The following LIMCH1 variants were observed in gnomAD, a reference collection of about 807,000 sequenced individuals.
The protein encoded by LIMCH1 is LIM and calponin homology domains-containing protein 1.
LIMCH1 carries 113 observed loss-of-function variants against 176.5 expected under a neutral mutation model. That is an observed-to-expected ratio of 0.64 (90% CI 0.55 to 0.75). The LOEUF (loss-of-function observed/expected upper bound fraction) is 0.75, where lower values mean the gene tolerates loss of function less well. Ranked by LOEUF, LIMCH1 falls within the 30% of genes least tolerant of loss-of-function variation. The pLI is 0.00. For synonymous variants in LIMCH1, 619 were observed against 645.9 expected (o/e 0.96, Z 0.63); for missense variants, 1,674 against 1,814.9 (o/e 0.92, Z 1.41).
At chr4:41,460,487 TATC>T (rs1254989237) in intron 1 of LIMCH1, among the ~76,000 whole-genome samples, 3 of 147,134 alleles carry the variant, frequency 2.0e-5, no homozygotes, top group African/African-American at 5.0e-5. Context: ...TATCTTATAA[TATC>T]ATGTTATAGA....
intron 13 of LIMCH1, 141 bp downstream of exon 13, chr4:41,633,949 C>T (rs895302907): frequency 4.9e-5 from 46 of 932,840 alleles, no homozygotes; most frequent in East Asian, 2.4e-4. Flanking sequence ...GCCTCATCTG[C>T]GAAGAAATTT....
At chr4:41,586,356 T>A (rs1287222487) in intron 1 of LIMCH1, among the ~76,000 whole-genome samples, 1 of 152,014 alleles carries the variant, frequency 6.6e-6, no homozygotes, top group Non-Finnish European at 1.5e-5. Context: ...GTGATCCACC[T>A]GCTTTGGCCT....
chr4:41,646,877 T>G lies in LIMCH1; in HGVS notation c.2804T>G (p.Val935Gly), dbSNP rs199602150. The change falls in exon 17 of 32, where the codon GTT becomes GGT. Residue 935 changes from valine to glycine, a missense_variant. Transcript: ENST00000503057. ...TCCCAGCCCAAAAATTCTCAAGATGTTCTGAAGACCTTTAAGGTAGGACAA... is the reference window on the plus strand; with the variant it reads ...TCCCAGCCCAAAAATTCTCAAGATGGTCTGAAGACCTTTAAGGTAGGACAA... Reference protein sequence around the residue: ...PYSQPKNSQDVLKTFKVDGKV... With the variant: ...PYSQPKNSQDGLKTFKVDGKV... 2.8e-5 allele frequency: 45 copies of G among 1,613,552 alleles called. No homozygotes were observed. Among genetic ancestry groups the G allele is most frequent in the Admixed American group, 1.0e-4 (6 of 60,008 alleles).
intron 1 of LIMCH1, among the ~76,000 whole-genome samples, chr4:41,458,815 T>C (rs1023555626): frequency 4.0e-5 from 6 of 151,414 alleles, no homozygotes; most frequent in Admixed American, 2.6e-4. Context: ...AGTCCTTTCT[T>C]GAATATCAGG....
intron 13 of LIMCH1, among the ~76,000 whole-genome samples, chr4:41,637,579 C>G (rs140897885): frequency 6.6e-6 from 1 of 152,334 alleles, no homozygotes; most frequent in African/African-American, 2.4e-5. Flanking sequence ...AACTTAAGCA[C>G]CTTCCGAAAC....
intron 1 of LIMCH1, among the ~76,000 whole-genome samples, chr4:41,436,262 G>A (rs780285047): frequency 6.6e-6 from 1 of 152,088 alleles, no homozygotes; most frequent in African/African-American, 2.4e-5. Context: ...TTCACTGTTC[G>A]CACTTCTCCG....
At chr4:41,592,692 C>G (rs7676211) in intron 1 of LIMCH1, among the ~76,000 whole-genome samples, 13,155 of 152,128 alleles carry the variant, frequency 0.086, 1,863 homozygotes, top group African/African-American at 0.3. Flanking sequence ...TTTGACATCC[C>G]CACAGGTCGA....
At chr4:41,403,699 T>C (rs897048699) in intron 1 of LIMCH1, among the ~76,000 whole-genome samples, 34 of 152,232 alleles carry the variant, frequency 2.2e-4, no homozygotes, top group African/African-American at 7.2e-4. Context: ...CATTTTTCAA[T>C]CCAATGCATT....
At chr4:41,566,415 T>C (rs56154122) in intron 1 of LIMCH1, among the ~76,000 whole-genome samples, 5 of 150,358 alleles carry the variant, frequency 3.3e-5, no homozygotes, top group African/African-American at 9.7e-5. Flanking sequence ...CCTTGATCCA[T>C]GGGCTGCAGA....
intron 1 of LIMCH1, among the ~76,000 whole-genome samples, chr4:41,595,409 A>T (rs896896060): frequency 1.3e-5 from 2 of 152,106 alleles, no homozygotes; most frequent in African/African-American, 2.4e-5. Context: ...ATCTGGGGAA[A>T]CTTTATTTTA....
chr4:41,602,325 C>T (rs1056367790), intron 2 of LIMCH1, among the ~76,000 whole-genome samples: 6 of 151,924 alleles, frequency 3.9e-5, no homozygotes, highest in South Asian at 4.2e-4. Flanking sequence ...GGATTGCTCC[C>T]GAGTGTCTCT....
chr4:41,530,761 C>G (rs887375725), intron 3 of LIMCH1, among the ~76,000 whole-genome samples: 1 of 134,208 alleles, frequency 7.5e-6, no homozygotes, highest in Non-Finnish European at 1.5e-5. Flanking sequence ...TGCCATTGCA[C>G]TCCAGCCGGG....
intron 22 of LIMCH1, among the ~76,000 whole-genome samples, chr4:41,675,924 G>A (rs1340435918): frequency 1.3e-5 from 2 of 152,186 alleles, no homozygotes; most frequent in African/African-American, 2.4e-5. Flanking sequence ...AAAGTGGTAT[G>A]GAAAAGCAAC....
At chr4:41,416,392 T>G (rs1581794770) in intron 1 of LIMCH1, among the ~76,000 whole-genome samples, 1 of 151,942 alleles carries the variant, frequency 6.6e-6, no homozygotes, top group Non-Finnish European at 1.5e-5. Context: ...TGGCTCACGC[T>G]TGTAATCCCA....
intron 1 of LIMCH1, among the ~76,000 whole-genome samples, chr4:41,414,861 GAAAATGTTGAT>G (rs1281238583): frequency 6.6e-6 from 1 of 152,134 alleles, no homozygotes; most frequent in Non-Finnish European, 1.5e-5. Flanking sequence ...ATCTTGAAAA[GAAAATGTTGAT>G]AAAATGGAAA....
At chr4:41,370,789 G>C (rs2053845194) in intron 1 of LIMCH1, among the ~76,000 whole-genome samples, 1 of 152,210 alleles carries the variant, frequency 6.6e-6, no homozygotes, top group Non-Finnish European at 1.5e-5. Flanking sequence ...TTGAGTGGTA[G>C]TGTAGGTGCT....
At chr4:41,650,691 T>C in intron 18 of LIMCH1, 83 bp downstream of exon 18, 1 of 1,145,822 alleles carries the variant, frequency 8.7e-7, no homozygotes, top group South Asian at 1.6e-5. Context: ...TAGGTCATGA[T>C]AATGACCATT....
At chr4:41,385,696 T>A (rs2056398766) in intron 1 of LIMCH1, 1 of 152,226 alleles carries the variant, frequency 6.6e-6, no homozygotes, top group African/African-American at 2.4e-5. Flanking sequence ...GTGCAGATTG[T>A]GTCTCTGGCT....
At chr4:41,426,434 A>G (rs1387673504) in intron 1 of LIMCH1, among the ~76,000 whole-genome samples, 1 of 152,254 alleles carries the variant, frequency 6.6e-6, no homozygotes, top group East Asian at 1.9e-4. Context: ...TTGTAACAGT[A>G]TAGACATTTC....
Sources: gnomAD v4.1 joint callset for allele counts (sites outside exome capture counted in the v4.1 genomes callset) on GRCh38, gnomAD v4.1.1 for gene constraint, MANE v1.5 for transcripts, NCBI Gene and HGNC (gene_info 2026-07-23, HGNC 2026-07-21) for gene names.